Variants in DST observed in about 807,000 individuals in gnomAD.
DST encodes the protein dystonin.
In DST, 253 loss-of-function variants were observed where a neutral mutation model predicts 875.2. That is an observed-to-expected ratio of 0.29 (90% CI 0.26 to 0.32). DST has a LOEUF of 0.32. DST is among the 10% of genes least tolerant of loss of function. The pLI, the probability that DST is intolerant of heterozygous loss-of-function variation, is 1.00. For missense variants in DST, 8,287 were observed against 9,111.6 expected, an observed-to-expected ratio of 0.91 and a Z score of 3.68; for synonymous variants, 3,124 against 3,197.1, an observed-to-expected ratio of 0.98 and a Z score of 0.77.
In DST at chr6:56,617,396, T is replaced by C. The variant is rs1231326059; in HGVS notation, c.4930-2912A>G. On this transcript the variant is annotated intron_variant, in intron 36 of 103. Coordinates refer to ENST00000680361, the MANE Select transcript of DST (RefSeq NM_001374736.1). Reference sequence around the variant, plus strand: ...TAATGTTGTGACTTCTGTATGCATATCATACTGCTTGTTCTTAGCTATCTG... The same window carrying C: ...TAATGTTGTGACTTCTGTATGCATACCATACTGCTTGTTCTTAGCTATCTG... 6.2e-7 allele frequency: 1 copy of C among 1,613,406 alleles called. No homozygotes were observed. The highest frequency in any genetic ancestry group is 8.5e-7 in the Non-Finnish European group (1 of 1,179,732).
intron 48 of DST, among the ~76,000 whole-genome samples, chr6:56,593,031 C>T (rs778217711): frequency 2.6e-5 from 4 of 152,010 alleles, no homozygotes; most frequent in Admixed American, 6.6e-5. Context: ...GAGATGAAAC[C>T]AGTTCCCAAG....
At chr6:56,844,856 AG>A (rs2099805355) in intron 4 of DST, among the ~76,000 whole-genome samples, 3 of 146,090 alleles carry the variant, frequency 2.1e-5, no homozygotes, top group Non-Finnish European at 3.0e-5. Context: ...TGGGCGACAG[AG>A]CAAGACTCCG....
intron 64 of DST, among the ~76,000 whole-genome samples, chr6:56,530,396 TAC>T (rs1310201398): frequency 6.6e-6 from 1 of 152,198 alleles, no homozygotes; most frequent in African/African-American, 2.4e-5. Context: ...TTCCAATAGT[TAC>T]AGTTATAATA....
At position 56,805,678 on chromosome 6, in the gene DST, G is replaced by A. The variant is rs541167966; in HGVS notation, c.625+45719C>T. Among the ~76,000 whole-genome samples the A allele has an allele frequency of 3.3e-5, 5 of 152,290 alleles. No homozygotes were observed. In the East Asian group the frequency reaches 9.6e-4, roughly 29 times the overall value. On this transcript the variant is annotated intron_variant, in intron 4 of 103. Coordinates refer to ENST00000680361, the MANE Select transcript of DST (RefSeq NM_001374736.1). ...TGTGCCTACTGGCACCATTCTAAGA[G>A]TGTAACTTAAATTAATCCTCAAAAC...
chr6:56,612,532 T>G (rs2098554007), intron 37 of DST, among the ~76,000 whole-genome samples: 1 of 152,230 alleles, frequency 6.6e-6, no homozygotes, highest in African/African-American at 2.4e-5. Context: ...AGTGTATCAT[T>G]TCCAAATCCC....
chr6:56,598,518 C>T lies in DST; in HGVS notation c.11886G>A (p.Leu3962=). 1 of 1,590,314 alleles carries T rather than the reference C, an allele frequency of 6.3e-7. No homozygotes were observed. Among genetic ancestry groups the T allele is most frequent in the South Asian group, 1.2e-5 (1 of 84,918 alleles). The stretch of plus-strand genomic sequence containing the variant: ...TGATTGCTGTTGTCACAACTTTATC[C>T]AGCTCCTTTTTAGACTGTTCTGCTT... ...NLKAEQSKKE[L]DKVVTTAIKE... Residue 3962 remains leucine, a synonymous_variant, in exon 46 of 104, where the codon CTG becomes CTA. Transcript: ENST00000680361.
rs555925026 is a variant in DST at position 56,825,190 on chromosome 6, T to C, written c.625+26207A>G. Among the ~76,000 whole-genome samples, 1,276 of 150,164 alleles carry C rather than the reference T, an allele frequency of 8.5e-3. 10 individuals are homozygous for C. Among genetic ancestry groups the C allele is most frequent in the African/African-American group, 0.029 (1,170 of 40,654 alleles). On this transcript the variant is annotated intron_variant, in intron 4 of 103. Coordinates refer to ENST00000680361, the MANE Select transcript of DST (RefSeq NM_001374736.1). ...TCTGCCTTGGGATCCTGTTGATCTG[T>C]GACCTTACCCCCAACCCTGTGCTCT...
At position 56,609,209 on chromosome 6, in the gene DST, G is replaced by A. The variant is rs1407620513; in HGVS notation, c.5419C>T (p.Leu1807=). The A allele has an allele frequency of 6.2e-7, 1 of 1,613,724 alleles. No homozygotes were observed. Among genetic ancestry groups the A allele is most frequent in the Non-Finnish European group, 8.5e-7 (1 of 1,179,726 alleles). The change falls in exon 40 of 104, where the codon CTA becomes TTA. Residue 1807 remains leucine, a synonymous_variant. Coordinates refer to ENST00000680361, the MANE Select transcript of DST (RefSeq NM_001374736.1). ...CACTTTCTTAATTCTGGTGAAATTA[G>A]ACCAGAAATCATTAGCTGTGTCTCA... The part of the protein sequence containing the change: ...LLETQLMISG[L]ISPELRKCFD...
At chr6:56,469,388 A>G (rs2094766179) in intron 97 of DST, among the ~76,000 whole-genome samples, 1 of 152,098 alleles carries the variant, frequency 6.6e-6, no homozygotes, top group African/African-American at 2.4e-5. Context: ...TAATGAAGTC[A>G]CACTGTTCTT....
intron 2 of DST, among the ~76,000 whole-genome samples, chr6:56,939,667 T>A (rs939971204): frequency 6.6e-6 from 1 of 152,146 alleles, no homozygotes; most frequent in Non-Finnish European, 1.5e-5. Context: ...TGCATTTTTT[T>A]ATTTCTTTTT....
At chr6:56,954,375 A>C in intron 1 of DST, 32 bp downstream of exon 1, 1 of 1,349,152 alleles carries the variant, frequency 7.4e-7, no homozygotes, top group South Asian at 1.2e-5. Context: ...TGTTCCTGGT[A>C]GCCCGCAGAA....
intron 2 of DST, among the ~76,000 whole-genome samples, chr6:56,928,124 C>T (rs565645571): frequency 6.6e-6 from 1 of 152,238 alleles, no homozygotes; most frequent in East Asian, 1.9e-4. Context: ...GCTGCTGGTA[C>T]CTACAAGGCG....
chr6:56,750,907 T>C (rs1218954544), intron 4 of DST, among the ~76,000 whole-genome samples: 2 of 152,110 alleles, frequency 1.3e-5, no homozygotes, highest in Non-Finnish European at 2.9e-5. Context: ...CTCATATTTA[T>C]ATAGCACTGA....
At chr6:56,682,207 G>A (rs2099160313) in intron 9 of DST, among the ~76,000 whole-genome samples, 1 of 152,024 alleles carries the variant, frequency 6.6e-6, no homozygotes, top group Non-Finnish European at 1.5e-5. Context: ...GAGTCTTGCT[G>A]TGCCACCCAG....
At chr6:56,620,440 C>T (rs760095271) in intron 36 of DST, 2 of 1,614,180 alleles carry the variant, frequency 1.2e-6, no homozygotes, top group South Asian at 2.2e-5. Flanking sequence ...TTTCAAGTTC[C>T]CTGCGGTACT....
intron 4 of DST, among the ~76,000 whole-genome samples, chr6:56,766,858 T>C (rs1379081758): frequency 1.3e-5 from 2 of 152,186 alleles, no homozygotes; most frequent in Non-Finnish European, 2.9e-5. Context: ...GTTCTGATTA[T>C]ATGGGAAACC....
At position 56,506,555 on chromosome 6, in the gene DST, T is replaced by A; in HGVS notation, c.19363-11A>T. ...CCATGCTGAATTTAACTACAAGATG[T>A]ATGTTAGAATTCTTTTAGTGCCATA... On this transcript the variant is annotated splice_polypyrimidine_tract_variant and intron_variant, in intron 76 of 103. Transcript: ENST00000680361. 1.9e-6 allele frequency: 3 copies of A among 1,610,800 alleles called. No individual in the cohort carries two copies.
chr6:56,778,718 A>AT (rs1433380006), intron 4 of DST, among the ~76,000 whole-genome samples: 1 of 151,630 alleles, frequency 6.6e-6, no homozygotes, highest in Non-Finnish European at 1.5e-5. Flanking sequence ...TTAACTCATC[A>AT]TTTTTTATGG....
intron 5 of DST, among the ~76,000 whole-genome samples, chr6:56,731,604 T>C (rs1238027856): frequency 6.6e-6 from 1 of 152,220 alleles, no homozygotes; most frequent in Admixed American, 6.5e-5. Flanking sequence ...CAATAAGAGA[T>C]TGATGTGTTT....
Sources: gnomAD v4.1 joint callset for allele counts (sites outside exome capture counted in the v4.1 genomes callset) on GRCh38, gnomAD v4.1.1 for gene constraint, MANE v1.5 for transcripts, NCBI Gene and HGNC (gene_info 2026-07-23, HGNC 2026-07-21) for gene names.